Variants in DLC1 observed in about 807,000 individuals in gnomAD.
DLC1 encodes the protein rho GTPase-activating protein 7.
DLC1 carries 54 observed loss-of-function variants against 140.3 expected under a neutral mutation model. The observed-to-expected ratio is 0.38, with a 90% CI of 0.31 to 0.48. The LOEUF is 0.48. Ranked by LOEUF, DLC1 falls within the 20% of genes least tolerant of loss-of-function variation. The pLI is 0.96. For missense variants in DLC1, 2,536 were observed against 1,907.0 expected, an observed-to-expected ratio of 1.33 and a Z score of -6.14; for synonymous variants, 986 against 728.1, an observed-to-expected ratio of 1.35 and a Z score of -5.70.
intron 5 of DLC1, among the ~76,000 whole-genome samples, chr8:13,273,991 C>T (rs1039787302): frequency 6.6e-6 from 1 of 152,062 alleles, no homozygotes; most frequent in African/African-American, 2.4e-5. Flanking sequence ...CACTTTTTAC[C>T]TGTTACCTCA....
chr8:13,439,756 G>A (rs192627), intron 2 of DLC1, among the ~76,000 whole-genome samples: 32,464 of 151,936 alleles, frequency 0.21, 4,170 homozygotes, highest in African/African-American at 0.36. Flanking sequence ...TCTGAGCCCT[G>A]TGAACTACCA....
rs533439255 is a variant in DLC1 at position 13,404,627 on chromosome 8, C to T, written c.1024-3008G>A. Among the ~76,000 whole-genome samples, 39 of 152,170 alleles carry T rather than the reference C, an allele frequency of 2.6e-4. 4 individuals carry two copies. In the South Asian group the frequency reaches 7.9e-3, roughly 31 times the overall value. ...CCCTGGGCAACAGGGATTAACATTA[C>T]TAAGGAATTACCTGAGCAACAAGGA... On this transcript the variant is annotated intron_variant, in intron 2 of 17. Transcript: ENST00000276297.
chr8:13,338,349 G>T (rs1233845095), intron 4 of DLC1, among the ~76,000 whole-genome samples: 1 of 152,206 alleles, frequency 6.6e-6, no homozygotes, highest in Non-Finnish European at 1.5e-5. Context: ...AATTGTGGTT[G>T]AGGCTGTAGC....
At chr8:13,195,555 T>G (rs1006056127) in intron 5 of DLC1, among the ~76,000 whole-genome samples, 1 of 152,176 alleles carries the variant, frequency 6.6e-6, no homozygotes, top group Non-Finnish European at 1.5e-5. Context: ...AGAGAAAATT[T>G]TGTAGGTTCT....
chr8:13,095,918 A>T (rs546725214), intron 10 of DLC1: 1 of 152,388 alleles, frequency 6.6e-6, no homozygotes, highest in Admixed American at 6.5e-5. Flanking sequence ...TGACCCGGAG[A>T]ACATTACATC....
At chr8:13,420,975 C>T (rs1585078909) in intron 2 of DLC1, among the ~76,000 whole-genome samples, 1 of 152,096 alleles carries the variant, frequency 6.6e-6, no homozygotes, top group Non-Finnish European at 1.5e-5. Flanking sequence ...TTTCTCTAAA[C>T]CCCTTACAGA....
At chr8:13,460,176 G>C (rs1799594360) in intron 2 of DLC1, among the ~76,000 whole-genome samples, 1 of 152,194 alleles carries the variant, frequency 6.6e-6, no homozygotes, top group African/African-American at 2.4e-5. Context: ...GATGTGTATT[G>C]TCTGTATCAT....
intron 1 of DLC1, among the ~76,000 whole-genome samples, chr8:13,550,676 G>T (rs1803815434): frequency 6.6e-6 from 1 of 152,086 alleles, no homozygotes; most frequent in Non-Finnish European, 1.5e-5. Context: ...AGAGCAGCTT[G>T]TGTTATCTTT....
chr8:13,382,809 T>A (rs928125871), intron 4 of DLC1, among the ~76,000 whole-genome samples: 13 of 152,106 alleles, frequency 8.5e-5, no homozygotes, highest in African/African-American at 3.1e-4. Context: ...ACTTCACAGA[T>A]CCCATACATT....
At chr8:13,545,471 C>T (rs1803621944) in intron 1 of DLC1, among the ~76,000 whole-genome samples, 1 of 151,920 alleles carries the variant, frequency 6.6e-6, no homozygotes, top group South Asian at 2.1e-4. Context: ...CAAACTGGGC[C>T]CCAGAGTAGC....
chr8:13,491,214 T>G (rs1366485725), intron 2 of DLC1, among the ~76,000 whole-genome samples: 2 of 151,610 alleles, frequency 1.3e-5, no homozygotes, highest in Non-Finnish European at 2.9e-5. Context: ...TAAAAAAGAA[T>G]TTGTCAGCAT....
chr8:13,213,961 T>A (rs1828067817), intron 5 of DLC1, among the ~76,000 whole-genome samples: 1 of 152,058 alleles, frequency 6.6e-6, no homozygotes, highest in Non-Finnish European at 1.5e-5. Context: ...TTTTTGTATG[T>A]TTAGTAGAGA....
chr8:13,425,643 A>G (rs923611359), intron 2 of DLC1, among the ~76,000 whole-genome samples: 1 of 138,474 alleles, frequency 7.2e-6, no homozygotes, highest in Admixed American at 7.9e-5. Flanking sequence ...TATTGAGTCA[A>G]TATCATTATT....
intron 4 of DLC1, among the ~76,000 whole-genome samples, chr8:13,307,081 CAAAA>C (rs34372620): frequency 2.0e-4 from 14 of 70,160 alleles, no homozygotes; most frequent in South Asian, 1.5e-3. Flanking sequence ...GAGACTCTGT[CAAAA>C]AAAAAAAAAA....
upstream of DLC1, among the ~76,000 whole-genome samples, chr8:13,519,832 C>A (rs894042613): frequency 2.0e-5 from 3 of 152,140 alleles, no homozygotes; most frequent in African/African-American, 7.2e-5. Flanking sequence ...AGACACTTCT[C>A]AAAAGAAGAC....
chr8:13,414,485 G>C (rs1480629625), intron 2 of DLC1, among the ~76,000 whole-genome samples: 1 of 152,060 alleles, frequency 6.6e-6, no homozygotes, highest in Non-Finnish European at 1.5e-5. Context: ...ATGACTCATC[G>C]GGATTGCAGT....
intron 1 of DLC1, among the ~76,000 whole-genome samples, chr8:13,549,870 C>A (rs1333800369): frequency 6.6e-6 from 1 of 152,120 alleles, no homozygotes; most frequent in African/African-American, 2.4e-5. Flanking sequence ...TATTTCTATC[C>A]TTTCCACTGT....
intron 2 of DLC1, among the ~76,000 whole-genome samples, chr8:13,415,167 A>T (rs2117317124): frequency 6.6e-6 from 1 of 152,140 alleles, no homozygotes; most frequent in South Asian, 2.1e-4. Flanking sequence ...ATGTGATTTG[A>T]TGTAATTTAA....
Position 13,094,969 on chromosome 8 carries a change from G to T in DLC1, c.3328-12C>A. On this transcript the variant is annotated splice_polypyrimidine_tract_variant and intron_variant, in intron 11 of 17. Transcript: ENST00000276297. ...CTGAAGAGCCCAACCTGTCGGAAGA[G>T]CAACACTAAGTGTGGGGTACATTCA... 1 of 1,614,120 alleles carries T rather than the reference G, an allele frequency of 6.2e-7. No homozygotes were observed. Among genetic ancestry groups the T allele is most frequent in the Admixed American group, 1.7e-5 (1 of 60,006 alleles).
Sources: allele counts gnomAD v4.1 joint callset (sites outside exome capture counted in the v4.1 genomes callset), GRCh38; gene constraint gnomAD v4.1.1; transcripts MANE v1.5; gene names NCBI Gene and HGNC (gene_info 2026-07-23, HGNC 2026-07-21).